Variants in NLRP6 observed in about 807,000 individuals in gnomAD.
NLRP6 encodes NACHT, LRR and PYD domains-containing protein 6.
NLRP6 carries 55 observed loss-of-function variants against 70.9 expected under a neutral mutation model. The observed-to-expected ratio is 0.78, with a 90% CI of 0.62 to 0.97. NLRP6 has a LOEUF of 0.97. Among genes scored for constraint, NLRP6 ranks in the 50% least tolerant of loss-of-function variants. The pLI is 0.00. For synonymous variants in NLRP6, 652 were observed against 581.9 expected (o/e 1.12, Z -1.73); for missense variants, 1,241 against 1,238.3 (o/e 1.00, Z -0.03).
At position 281,613 on chromosome 11, in the gene NLRP6, G is replaced by A; in HGVS notation, c.1879G>A (p.Glu627Lys). ...ACTGGAGTTGCTGTACTGCCTGTACGAGACGCAGGAGGACGCGTTTGTGCG... is the reference window on the plus strand; with the variant it reads ...ACTGGAGTTGCTGTACTGCCTGTACAAGACGCAGGAGGACGCGTTTGTGCG... ...YPLELLYCLY[E>K]TQEDAFVRQA... The change falls in exon 4 of 8, where the codon GAG becomes AAG. Residue 627 changes from glutamate (E) to lysine (K), a missense_variant. By Grantham distance (56) the Glu-to-Lys change is moderately conservative (BLOSUM62 1). Transcript: ENST00000534750. 1.2e-6 allele frequency: 2 copies of A among 1,612,412 alleles called. No individual in the cohort carries two copies. Among genetic ancestry groups the A allele is most frequent in the South Asian group, 1.1e-5 (1 of 90,924 alleles).
In NLRP6 at chr11:285,171, C is replaced by A; in HGVS notation, c.2543C>A (p.Ala848Asp). The change falls in exon 8 of 8, where the codon GCC becomes GAC. Residue 848 changes from alanine to aspartate, a missense_variant. Physicochemically the swap from Ala to Asp is moderately radical, Grantham distance 126. Coordinates refer to ENST00000534750, the MANE Select transcript of NLRP6 (RefSeq NM_001276700.2). ...QGCGLQTLSL[A>D]SVELSEQSLQ... ...TGCTCTGCGTGTGGCTGCAGTCTGG[C>A]CTCTGTGGAGCTGAGCGAGCAGTCA... 1.9e-6 allele frequency: 3 copies of A among 1,585,176 alleles called. No individual in the cohort carries two copies. Among genetic ancestry groups the A allele is most frequent in the Non-Finnish European group, 2.6e-6 (3 of 1,165,260 alleles).
intron 7 of NLRP6, among the ~76,000 whole-genome samples, 171 bp downstream of exon 7, chr11:284,813 G>A (rs1342551622): frequency 1.3e-5 from 2 of 152,214 alleles, no homozygotes; most frequent in African/African-American, 4.8e-5. Context: ...CCTGCCCTCT[G>A]AAGCCCTGGC....
In NLRP6 at chr11:284,404, A is replaced by AGGCCT. The variant is rs756273583; in HGVS notation, c.2369+12_2369+16dup. 1 of 1,597,996 alleles carries AGGCCT rather than the reference A, an allele frequency of 6.3e-7. No homozygotes were observed. Among genetic ancestry groups the AGGCCT allele is most frequent in the African/African-American group, 1.3e-5 (1 of 74,744 alleles). The stretch of plus-strand genomic sequence containing the variant: ...AGTGCAGGGTGCAGACGGTCAGGTG[A>AGGCCT]GGCCTGGCCTGGGAGGGACCGTGGG... On this transcript the variant is annotated splice_donor_region_variant and intron_variant, in intron 6 of 7. Transcript: ENST00000534750.
chr11:285,086 C>G (rs1845539351), intron 7 of NLRP6, 80 bp from the exon 8 acceptor site: 4 of 1,305,484 alleles, frequency 3.1e-6, no homozygotes, highest in Admixed American at 2.0e-5. Context: ...CGCGGCCCGG[C>G]TGCCCCCACG....
At position 280,177 on chromosome 11, in the gene NLRP6, C is replaced by T; in HGVS notation, c.443C>T (p.Thr148Ile). Reference sequence around the variant, plus strand: ...TCCGTGAAGATCACCAAGCGCTTCACCAAGCTGCTCATCGCGCCCGAGAGC... The same window carrying T: ...TCCGTGAAGATCACCAAGCGCTTCATCAAGCTGCTCATCGCGCCCGAGAGC... ...ARSVKITKRF[T>I]KLLIAPESAA... is the part of the protein sequence containing the mutation. Residue 148 changes from threonine (T) to isoleucine (I), a missense_variant, in exon 4 of 8, where the codon ACC becomes ATC. Transcript: ENST00000534750. 3 of 1,549,794 alleles carry T rather than the reference C, an allele frequency of 1.9e-6. No homozygotes were observed. The highest frequency in any genetic ancestry group is 2.6e-6 in the Non-Finnish European group (3 of 1,147,116).
chr11:283,718 G>T (rs1371037416), intron 5 of NLRP6, among the ~76,000 whole-genome samples: 1 of 152,134 alleles, frequency 6.6e-6, no homozygotes, highest in Non-Finnish European at 1.5e-5. Context: ...TGGTGAAACA[G>T]GTCCATCCTA....
At position 279,477 on chromosome 11, in the gene NLRP6, C is replaced by T. The variant is rs901377307; in HGVS notation, c.180C>T (p.Asp60=). The change falls in exon 2 of 8, where the codon GAC becomes GAT. Residue 60 remains aspartate, a synonymous_variant. Coordinates refer to ENST00000534750, the MANE Select transcript of NLRP6 (RefSeq NM_001276700.2). The stretch of plus-strand genomic sequence containing the variant: ...CGTGGGGGCGGCTGGAGCGCGCGGA[C>T]GCCGTGGACCTCGCGGAGCAGCTGG... The part of the protein sequence containing the change: ...SIPWGRLERA[D]AVDLAEQLAQ... 7.0e-6 allele frequency: 10 copies of T among 1,426,180 alleles called. No homozygotes were observed. The highest frequency in any genetic ancestry group is 9.2e-6 in the Non-Finnish European group (10 of 1,090,752). The allele number at this position is 1,426,180 out of a possible 1,614,324, so 88.3% of individuals were successfully genotyped here. A position where few individuals can be genotyped will look rare whatever the true frequency, so the allele number is the denominator to read the frequency against.
Position 281,852 on chromosome 11 carries a change from G to A in NLRP6, c.2105+13G>A, listed in dbSNP as rs1845485490. ...TGGGTGGCGGCAGGTGCGTCTCCAG[G>A]GCAGAGATACTCTCTTGTGTGTGAG... On this transcript the variant is annotated intron_variant, in intron 4 of 7. Coordinates refer to ENST00000534750, the MANE Select transcript of NLRP6 (RefSeq NM_001276700.2). 4.5e-6 allele frequency: 7 copies of A among 1,557,332 alleles called. No homozygotes were observed. Among genetic ancestry groups the A allele is most frequent in the African/African-American group, 1.4e-5 (1 of 73,876 alleles).
chr11:281,977 A>C (rs1590270557), intron 4 of NLRP6, 138 bp downstream of exon 4: 1 of 702,328 alleles, frequency 1.4e-6, no homozygotes, highest in Non-Finnish European at 2.3e-6. Context: ...GGCTTTGACC[A>C]CCTCCTTGCA....
chr11:282,041 C>T (rs1309497535), intron 4 of NLRP6, among the ~76,000 whole-genome samples: 3 of 152,124 alleles, frequency 2.0e-5, no homozygotes, highest in Non-Finnish European at 4.4e-5. Flanking sequence ...CCATGCCCAC[C>T]GTCAGCCACC....
chr11:284,234 TC>T lies in NLRP6; in HGVS notation c.2206del (p.His736ThrfsTer16). On this transcript the variant is annotated frameshift_variant, in exon 6 of 8. Transcript: ENST00000534750. LOFTEE classifies it high-confidence loss of function. Reference sequence around the variant, plus strand: ...CTCTGTGCTTCTTGACCACAGGCTGTCCCACTGCAAACTCCCTGACGCGGTC... The same window carrying T: ...CTCTGTGCTTCTTGACCACAGGCTGTCCACTGCAAACTCCCTGACGCGGTC... ...PLCHLSSLTL[S>X]HCKLPDAVCR... 6.2e-7 allele frequency: 1 copy of T among 1,613,194 alleles called. No individual in the cohort carries two copies. Among genetic ancestry groups the T allele is most frequent in the Non-Finnish European group, 8.5e-7 (1 of 1,179,942 alleles).
At chr11:283,659 T>A (rs1169658122) in intron 5 of NLRP6, among the ~76,000 whole-genome samples, 1 of 152,042 alleles carries the variant, frequency 6.6e-6, no homozygotes, top group African/African-American at 2.4e-5. Flanking sequence ...CACTCTTAGC[T>A]ACCACCAAGT....
chr11:283,714 A>G (rs1845511946), intron 5 of NLRP6, among the ~76,000 whole-genome samples: 1 of 152,130 alleles, frequency 6.6e-6, no homozygotes, highest in Non-Finnish European at 1.5e-5. Context: ...CTGATGGTGA[A>G]ACAGGTCCAT....
Position 280,206 on chromosome 11 carries a change from G to T in NLRP6, c.472G>T (p.Ala158Ser). The change falls in exon 4 of 8, where the codon GCC becomes TCC. Residue 158 changes from alanine to serine, a missense_variant. Transcript: ENST00000534750. ...TKLLIAPESA[A>S]PEEAMGPAEE... ...GCTGCTCATCGCGCCCGAGAGCGCC[G>T]CCCCGGAGGAGGCGATGGGGCCCGC... is the stretch of plus-strand genomic sequence containing the variant. The T allele has an allele frequency of 6.5e-7, 1 of 1,546,674 alleles. No individual in the cohort carries two copies. The highest frequency in any genetic ancestry group is 8.7e-7 in the Non-Finnish European group (1 of 1,145,768).
At chr11:279,729 GC>G in intron 2 of NLRP6, 104 bp from the exon 3 acceptor site, 1 of 1,350,568 alleles carries the variant, frequency 7.4e-7, no homozygotes, top group Non-Finnish European at 9.6e-7. Context: ...AAATTCGCGG[GC>G]CCCAGGGGTA....
chr11:281,756 G>GC lies in NLRP6; in HGVS notation c.2022_2023insC (p.Ile675HisfsTer50). 1 of 1,611,452 alleles carries GC rather than the reference G, an allele frequency of 6.2e-7. No homozygotes were observed. The highest frequency in any genetic ancestry group is 8.5e-7 in the Non-Finnish European group (1 of 1,179,670). ...GCCCTGCTGGACAGGCACTGCGGCTGATCAGCTGCAGATTGGTTGCTGCGC... is the reference window on the plus strand; with the variant it reads ...GCCCTGCTGGACAGGCACTGCGGCTGCATCAGCTGCAGATTGGTTGCTGCGC... On this transcript the variant is annotated frameshift_variant, in exon 4 of 8. Transcript: ENST00000534750. LOFTEE classifies it high-confidence loss of function.
Position 285,208 on chromosome 11 carries a change from T to A in NLRP6, c.2580T>A (p.Leu860=). ...VELSEQSLQE[L]QAVKRAKPDL... is the part of the protein sequence containing the mutation. ...TGAGCGAGCAGTCACTACAGGAGCT[T>A]CAGGCTGTGAAGAGAGCAAAGCCGG... is the stretch of plus-strand genomic sequence containing the variant. Residue 860 remains leucine (L), a synonymous_variant, in exon 8 of 8, where the codon CTT becomes CTA. Transcript: ENST00000534750. 6.3e-7 allele frequency: 1 copy of A among 1,598,724 alleles called. No individual in the cohort carries two copies. Among genetic ancestry groups the A allele is most frequent in the South Asian group, 1.1e-5 (1 of 88,618 alleles).
At chr11:282,880 AAAGAAGGCTG>A in intron 5 of NLRP6, 83 bp downstream of exon 5, 3 of 1,030,586 alleles carry the variant, frequency 2.9e-6, no homozygotes, top group Non-Finnish European at 4.6e-6. Context: ...ATGACCTAGG[AAAGAAGGCTG>A]AGGGGTCAGA....
At chr11:283,948 G>A (rs532433045) in intron 5 of NLRP6, among the ~76,000 whole-genome samples, 7 of 152,182 alleles carry the variant, frequency 4.6e-5, no homozygotes, top group Admixed American at 1.3e-4. Context: ...AACTGAGTTG[G>A]CCACCTCATC....
Sources: gnomAD v4.1 joint callset for allele counts (sites outside exome capture counted in the v4.1 genomes callset) on GRCh38, gnomAD v4.1.1 for gene constraint, MANE v1.5 for transcripts, NCBI Gene and HGNC (gene_info 2026-07-23, HGNC 2026-07-21) for gene names.